Variants in ALK observed in about 807,000 individuals in gnomAD.
ALK encodes the protein ALK tyrosine kinase receptor.
Under a neutral mutation model 163.1 loss-of-function variants are expected in ALK, and 74 were observed. That is an observed-to-expected ratio of 0.45 (90% confidence interval 0.38 to 0.55). ALK has a LOEUF of 0.55. Among genes scored for constraint, ALK ranks in the 20% least tolerant of loss-of-function variants. The pLI is 0.00. For synonymous variants in ALK, 960 were observed against 843.2 expected, an observed-to-expected ratio of 1.14 and a Z score of -2.40; for missense variants, 2,063 against 2,105.3, an observed-to-expected ratio of 0.98 and a Z score of 0.39.
intron 9 of ALK, among the ~76,000 whole-genome samples, chr2:29,281,230 G>A (rs945240469): frequency 1.3e-5 from 2 of 152,192 alleles, no homozygotes; most frequent in African/African-American, 4.8e-5. Flanking sequence ...GACTGCGAGG[G>A]ACAGGCCATC....
intron 24 of ALK, 56 bp from the exon 25 acceptor site, chr2:29,209,934 A>G (rs2148155549): frequency 7.3e-7 from 1 of 1,375,472 alleles, no homozygotes. Context: ...TGAGTGTACA[A>G]CGGCCATCAC....
chr2:29,570,566 A>C (rs55905332), intron 3 of ALK, among the ~76,000 whole-genome samples: 17,842 of 152,280 alleles, frequency 0.12, 1,379 homozygotes, highest in Non-Finnish European at 0.18. Context: ...CTAAGATAGA[A>C]ACAGGGTCTG....
chr2:29,638,210 C>T (rs1326259200), intron 3 of ALK, among the ~76,000 whole-genome samples: 1 of 152,196 alleles, frequency 6.6e-6, no homozygotes, highest in Non-Finnish European at 1.5e-5. Flanking sequence ...AACTGCATGA[C>T]CATGGGGACC....
intron 4 of ALK, among the ~76,000 whole-genome samples, chr2:29,511,693 G>C (rs1278664306): frequency 6.6e-6 from 1 of 152,194 alleles, no homozygotes; most frequent in African/African-American, 2.4e-5. Flanking sequence ...GTAGGCATAT[G>C]TCTAGTTTTT....
intron 26 of ALK, 23 bp downstream of exon 26, chr2:29,207,148 C>G (rs2148151862): frequency 6.3e-7 from 1 of 1,589,562 alleles, no homozygotes; most frequent in Non-Finnish European, 8.6e-7. Context: ...GCAGGGATAC[C>G]TGGAGGATGA....
intron 1 of ALK, among the ~76,000 whole-genome samples, chr2:29,881,800 A>T (rs773924282): frequency 6.6e-6 from 1 of 152,136 alleles, no homozygotes; most frequent in Non-Finnish European, 1.5e-5. Flanking sequence ...TCCAAGTGAA[A>T]ATGAATTATT....
intron 3 of ALK, among the ~76,000 whole-genome samples, chr2:29,615,030 G>A (rs757725310): frequency 1.3e-5 from 2 of 152,024 alleles, no homozygotes; most frequent in Non-Finnish European, 2.9e-5. Flanking sequence ...TGTTGCCCAG[G>A]CTGGTCTTGA....
At chr2:29,236,092 C>T (rs1273904101) in intron 13 of ALK, among the ~76,000 whole-genome samples, 7 of 151,270 alleles carry the variant, frequency 4.6e-5, no homozygotes, top group Non-Finnish European at 1.0e-4. Flanking sequence ...TCTCCTGACT[C>T]AGCCTTCTCA....
chr2:29,745,504 A>T (rs1201948265), intron 1 of ALK, among the ~76,000 whole-genome samples: 1 of 152,200 alleles, frequency 6.6e-6, no homozygotes, highest in Non-Finnish European at 1.5e-5. Flanking sequence ...TGTACAGATG[A>T]GAAGAAAGCT....
rs115903768 is a variant in ALK at position 29,505,631 on chromosome 2, C to T, written c.1154+26284G>A. ...AACTGGGCTCCTGGTTGTCCCAGGCCCTGTTTACAGTGGCTGTAGGCTTCA... is the reference window on the plus strand; with the variant it reads ...AACTGGGCTCCTGGTTGTCCCAGGCTCTGTTTACAGTGGCTGTAGGCTTCA... On this transcript the variant is annotated intron_variant, in intron 4 of 28. Transcript: ENST00000389048. Among the ~76,000 whole-genome samples the T allele has an allele frequency of 5.2e-3, 794 of 151,980 alleles. 4 individuals carry two copies. Among genetic ancestry groups the T allele is most frequent in the African/African-American group, 0.018 (754 of 41,432 alleles).
At chr2:29,766,351 C>T (rs1026940292) in intron 1 of ALK, among the ~76,000 whole-genome samples, 2 of 152,192 alleles carry the variant, frequency 1.3e-5, no homozygotes, top group East Asian at 3.8e-4. Context: ...GTCCTACAAG[C>T]CTGGCATTTA....
At chr2:29,568,423 T>C (rs1252300524) in intron 3 of ALK, among the ~76,000 whole-genome samples, 4 of 152,176 alleles carry the variant, frequency 2.6e-5, no homozygotes, top group Non-Finnish European at 5.9e-5. Context: ...GAAATCTAGC[T>C]AGGGAACTGA....
intron 4 of ALK, among the ~76,000 whole-genome samples, chr2:29,423,492 A>C (rs1171272984): frequency 6.6e-6 from 1 of 152,222 alleles, no homozygotes; most frequent in Non-Finnish European, 1.5e-5. Flanking sequence ...CTAATCAAGG[A>C]GGCAACTTGC....
chr2:29,298,840 C>G (rs575208173), intron 8 of ALK, among the ~76,000 whole-genome samples: 1 of 152,200 alleles, frequency 6.6e-6, no homozygotes, highest in Non-Finnish European at 1.5e-5. Context: ...TAGCCCAGCT[C>G]ATTTTCTCTC....
chr2:29,546,359 A>C (rs1213189383), intron 3 of ALK, among the ~76,000 whole-genome samples: 1 of 152,252 alleles, frequency 6.6e-6, no homozygotes, highest in Non-Finnish European at 1.5e-5. Flanking sequence ...AACAGAAGAC[A>C]AAGTGCTGAG....
At chr2:29,238,259 C>T (rs916124644) in intron 13 of ALK, among the ~76,000 whole-genome samples, 2 of 152,204 alleles carry the variant, frequency 1.3e-5, no homozygotes, top group Non-Finnish European at 1.5e-5. Context: ...TGCAGTGGTG[C>T]GATCTTGGCT....
intron 1 of ALK, among the ~76,000 whole-genome samples, chr2:29,757,907 T>TAGACAGACAGACATGATCTC: frequency 6.6e-6 from 1 of 151,934 alleles, no homozygotes; most frequent in South Asian, 2.1e-4. Flanking sequence ...TTTTGAGTAG[T>TAGACAGACAGACATGATCTC]AGACAGACAG....
At chr2:29,542,689 T>A (rs1216281627) in intron 3 of ALK, among the ~76,000 whole-genome samples, 2 of 152,192 alleles carry the variant, frequency 1.3e-5, no homozygotes, top group Non-Finnish European at 2.9e-5. Context: ...ATTTGGAAGC[T>A]TTTGGGATCT....
intron 18 of ALK, among the ~76,000 whole-genome samples, chr2:29,226,342 G>C (rs1034446867): frequency 1.3e-5 from 2 of 151,916 alleles, no homozygotes; most frequent in Non-Finnish European, 2.9e-5. Flanking sequence ...GCCTGGCATG[G>C]TGGTGGGCGC....
Sources: gnomAD v4.1 joint callset for allele counts (sites outside exome capture counted in the v4.1 genomes callset) on GRCh38, gnomAD v4.1.1 for gene constraint, MANE v1.5 for transcripts, NCBI Gene and HGNC (gene_info 2026-07-23, HGNC 2026-07-21) for gene names.